Variants in NUP210L observed in about 807,000 individuals in gnomAD.
The protein encoded by NUP210L is nuclear pore membrane glycoprotein 210-like.
In NUP210L, 74 loss-of-function variants were observed where a neutral mutation model predicts 208.5. That is an observed-to-expected ratio of 0.35 (90% CI 0.29 to 0.43). NUP210L has a LOEUF of 0.43. Among genes scored for constraint, NUP210L ranks in the 20% least tolerant of loss-of-function variants. The pLI is 1.00. For synonymous variants in NUP210L, 780 were observed against 816.9 expected (o/e 0.95, Z 0.77); for missense variants, 1,843 against 2,289.4 (o/e 0.81, Z 3.98).
chr1:154,149,606 G>C (rs1659287351), intron 2 of NUP210L, among the ~76,000 whole-genome samples: 1 of 152,182 alleles, frequency 6.6e-6, no homozygotes, highest in Non-Finnish European at 1.5e-5. Flanking sequence ...CTACTCAGGA[G>C]GCTGAAGTAG....
chr1:154,101,007 T>C (rs1039539043), intron 13 of NUP210L, among the ~76,000 whole-genome samples: 1 of 151,588 alleles, frequency 6.6e-6, no homozygotes, highest in Non-Finnish European at 1.5e-5. Flanking sequence ...ATCCCGTCTC[T>C]ACTAAAAATT....
intron 27 of NUP210L, among the ~76,000 whole-genome samples, chr1:154,045,117 G>A (rs1653100744): frequency 6.6e-6 from 1 of 152,046 alleles, no homozygotes; most frequent in Non-Finnish European, 1.5e-5. Flanking sequence ...TCTTAAACTT[G>A]TCGTTGATAT....
intron 29 of NUP210L, 147 bp downstream of exon 29, chr1:154,027,359 A>G (rs1269938929): frequency 5.1e-6 from 3 of 593,310 alleles, no homozygotes; most frequent in Admixed American, 3.0e-5. Context: ...ACTTTACAAT[A>G]GTTTTACATT....
chr1:154,149,243 G>A (rs376338988), intron 2 of NUP210L, among the ~76,000 whole-genome samples: 69 of 152,004 alleles, frequency 4.5e-4, no homozygotes, highest in African/African-American at 1.5e-3. Context: ...CCATCACCAC[G>A]CCCAGCTAAT....
At chr1:154,058,321 T>C in intron 21 of NUP210L, 105 bp from the exon 22 acceptor site, 1 of 1,267,728 alleles carries the variant, frequency 7.9e-7, no homozygotes, top group Non-Finnish European at 1.1e-6. Context: ...TGCTAAATGA[T>C]CCTGGTCAGC....
intron 25 of NUP210L, among the ~76,000 whole-genome samples, chr1:154,050,895 T>C (rs566010182): frequency 6.6e-6 from 1 of 152,318 alleles, no homozygotes; most frequent in Admixed American, 6.5e-5. Flanking sequence ...TCAGATGCCC[T>C]ATACTTCAGC....
At chr1:154,100,324 A>C (rs1462330583) in intron 13 of NUP210L, among the ~76,000 whole-genome samples, 181 bp from the exon 14 acceptor site, 1 of 151,162 alleles carries the variant, frequency 6.6e-6, no homozygotes, top group Non-Finnish European at 1.5e-5. Flanking sequence ...GGTGGCGTGC[A>C]CCTGTAGTCC....
In NUP210L at chr1:154,046,218, C is replaced by A; in HGVS notation, c.3565-18G>T. The stretch of plus-strand genomic sequence containing the variant: ...ACTGGCATCTGAAAATAAATAGCAG[C>A]ATTGTGCTATATATTCTGCCCAGTT... On this transcript the variant is annotated intron_variant, in intron 26 of 39. Coordinates refer to ENST00000368559, the Ensembl canonical transcript of NUP210L. 1 of 1,613,978 alleles carries A rather than the reference C, an allele frequency of 6.2e-7. No homozygotes were observed. The highest frequency in any genetic ancestry group is 1.1e-5 in the South Asian group (1 of 91,068).
intron 10 of NUP210L, among the ~76,000 whole-genome samples, chr1:154,122,316 A>C (rs1657653423): frequency 6.6e-6 from 1 of 152,174 alleles, no homozygotes; most frequent in African/African-American, 2.4e-5. Flanking sequence ...GGAAAATGAA[A>C]ACCATAGTTA....
At chr1:154,017,239 C>T (rs1234896465) in intron 33 of NUP210L, among the ~76,000 whole-genome samples, 3 of 151,142 alleles carry the variant, frequency 2.0e-5, no homozygotes, top group East Asian at 2.0e-4. Context: ...CAAGATTAAA[C>T]CATTGCTCTC....
chr1:154,110,345 C>T (rs1656980230), intron 12 of NUP210L, among the ~76,000 whole-genome samples: 1 of 149,318 alleles, frequency 6.7e-6, no homozygotes, highest in African/African-American at 2.5e-5. Context: ...AATCTCAGCT[C>T]ACTGCAACCT....
At chr1:154,030,724 G>C (rs760644433) in intron 27 of NUP210L, among the ~76,000 whole-genome samples, 1 of 151,202 alleles carries the variant, frequency 6.6e-6, no homozygotes, top group Non-Finnish European at 1.5e-5. Context: ...CACACTTTAA[G>C]TTGAAACCTT....
rs553701872 is a variant in NUP210L at position 154,089,587 on chromosome 1, G to A, written c.2195C>T (p.Thr732Ile). The A allele has an allele frequency of 4.3e-6, 7 of 1,613,946 alleles. No individual in the cohort carries two copies. The Admixed American group carries it at 8.3e-5, about 19-fold the overall frequency. The change falls in exon 16 of 40, where the codon ACA (threonine) becomes ATA (isoleucine). Residue 732 changes from threonine (T) to isoleucine (I), a missense_variant. By Grantham distance (89) the Thr-to-Ile change is moderately conservative. Transcript: ENST00000368559. ...ACCTGGATGATTTCCAATTCGGAAT[G>A]TGAGAACCTTTAAGGAAGTCACAGA...
At chr1:154,045,673 T>C (rs915450329) in intron 27 of NUP210L, among the ~76,000 whole-genome samples, 1 of 151,866 alleles carries the variant, frequency 6.6e-6, no homozygotes, top group African/African-American at 2.4e-5. Context: ...GTTTAGGGAG[T>C]GAGTAATCAG....
intron 12 of NUP210L, among the ~76,000 whole-genome samples, chr1:154,108,820 G>A (rs1490223903): frequency 6.6e-6 from 1 of 151,496 alleles, no homozygotes; most frequent in African/African-American, 2.4e-5. Flanking sequence ...TTTAAAAAAG[G>A]CTGAGCACAG....
At chr1:154,071,081 T>TG (rs1421064211) in intron 16 of NUP210L, among the ~76,000 whole-genome samples, 110 of 150,902 alleles carry the variant, frequency 7.3e-4, no homozygotes, top group African/African-American at 2.1e-3. Flanking sequence ...CAGTTTTTTG[T>TG]TTTGTTTTGT....
At chr1:154,144,402 C>A (rs1197451331) in intron 2 of NUP210L, among the ~76,000 whole-genome samples, 1 of 152,104 alleles carries the variant, frequency 6.6e-6, no homozygotes, top group Non-Finnish European at 1.5e-5. Flanking sequence ...CTGTCTCTTT[C>A]TGTCTTCCTT....
At chr1:154,053,691 C>T (rs918259295) in intron 25 of NUP210L, among the ~76,000 whole-genome samples, 4 of 152,210 alleles carry the variant, frequency 2.6e-5, no homozygotes, top group Admixed American at 6.5e-5. Flanking sequence ...CCCTTTGTTT[C>T]CCGTAAGGAA....
chr1:154,055,200 T>A (rs1182244570), intron 23 of NUP210L, among the ~76,000 whole-genome samples: 1 of 150,958 alleles, frequency 6.6e-6, no homozygotes, highest in Non-Finnish European at 1.5e-5. Context: ...TTTCTTTCTT[T>A]CTTTCTCTCT....
Sources: allele counts gnomAD v4.1 joint callset (sites outside exome capture counted in the v4.1 genomes callset), GRCh38; gene constraint gnomAD v4.1.1; transcripts MANE v1.5; gene names NCBI Gene and HGNC (gene_info 2026-07-23, HGNC 2026-07-21).